The following ASPH variants were observed in gnomAD, a reference collection of about 807,000 sequenced individuals.
ASPH encodes aspartate beta-hydroxylase, also known as aspartyl/asparaginyl beta-hydroxylase.
In ASPH, 100 loss-of-function variants were observed where a neutral mutation model predicts 118.4. The ratio of observed to expected loss-of-function variants is 0.84; its 90% confidence interval spans 0.72 to 1.00. The LOEUF (loss-of-function observed/expected upper bound fraction) is 1.00. ASPH is among the 50% of genes least tolerant of loss of function. The pLI is 0.00. For missense variants in ASPH, 920 were observed against 919.5 expected, an observed-to-expected ratio of 1.00 and a Z score of -0.01; for synonymous variants, 315 against 325.6, an observed-to-expected ratio of 0.97 and a Z score of 0.35.
intron 14 of ASPH, among the ~76,000 whole-genome samples, chr8:61,586,966 C>T (rs779010452): frequency 6.6e-6 from 1 of 152,212 alleles, no homozygotes; most frequent in Non-Finnish European, 1.5e-5. Flanking sequence ...AGAACTAAGG[C>T]TGTTCCATGC....
chr8:61,576,981 A>G lies in ASPH; in HGVS notation c.1063-123T>C, dbSNP rs188000572. The G allele has an allele frequency of 1.9e-4, 133 of 707,444 alleles. No individual in the cohort carries two copies. In the African/African-American group the frequency reaches 2.0e-3, roughly 11 times the overall value. The allele number at this position is 707,444 out of a possible 1,614,324, so 43.8% of individuals were successfully genotyped here. On this transcript the variant is annotated intron_variant, in intron 15 of 24. Coordinates refer to ENST00000379454, the MANE Select transcript of ASPH (RefSeq NM_004318.4). ...CCTAGATTCCATCCTGAGTGTAAAG[A>G]TAGTTTTATCTAAGATTTTAAAAAA... is the stretch of plus-strand genomic sequence containing the variant.
At chr8:61,643,874 C>A in intron 8 of ASPH, 71 bp downstream of exon 8, 1 of 1,184,502 alleles carries the variant, frequency 8.4e-7, no homozygotes, top group Non-Finnish European at 1.2e-6. Flanking sequence ...AATTGTTAAC[C>A]CTGGAATAAA....
Position 61,707,053 on chromosome 8 carries a change from A to G in ASPH, c.103+7216T>C, listed in dbSNP as rs191516293. ...GGAAAATACAAGAATAATTCATAAC[A>G]TCTGTGTTATGTGTCTTACAAAAAG... On this transcript the variant is annotated intron_variant, in intron 1 of 24. Transcript: ENST00000379454. Among the ~76,000 whole-genome samples the G allele has an allele frequency of 2.6e-5, 4 of 152,344 alleles. No individual in the cohort carries two copies. The East Asian group carries it at 7.7e-4, about 29-fold the overall frequency.
chr8:61,579,827 C>A (rs139027621), intron 15 of ASPH, among the ~76,000 whole-genome samples: 3,818 of 151,796 alleles, frequency 0.025, 155 homozygotes, highest in African/African-American at 0.086. Context: ...TGGGGACCCC[C>A]CTTGCCCATG....
chr8:61,593,315 CAGA>C (rs1296869825), intron 14 of ASPH, among the ~76,000 whole-genome samples: 4 of 152,078 alleles, frequency 2.6e-5, no homozygotes, highest in East Asian at 1.9e-4. Flanking sequence ...TAGGTATTAC[CAGA>C]AGAAGAAGTA....
intron 3 of ASPH, among the ~76,000 whole-genome samples, chr8:61,654,051 G>C (rs1211957778): frequency 6.6e-6 from 1 of 152,046 alleles, no homozygotes; most frequent in Non-Finnish European, 1.5e-5. Context: ...TGAATTTTCT[G>C]TTATTCAGGT....
chr8:61,641,346 G>A (rs1435961864), intron 10 of ASPH, among the ~76,000 whole-genome samples: 1 of 152,042 alleles, frequency 6.6e-6, no homozygotes, highest in African/African-American at 2.4e-5. Context: ...ACATTATAAT[G>A]ATCAGTAGAA....
intron 3 of ASPH, among the ~76,000 whole-genome samples, chr8:61,676,497 C>A (rs1589068181): frequency 6.6e-6 from 1 of 152,238 alleles, no homozygotes; most frequent in East Asian, 1.9e-4. Flanking sequence ...AACTCTCAAT[C>A]AAATGTCAAA....
At chr8:61,568,081 G>GTAAA (rs1448804979) in intron 16 of ASPH, among the ~76,000 whole-genome samples, 1 of 152,146 alleles carries the variant, frequency 6.6e-6, no homozygotes, top group East Asian at 1.9e-4. Context: ...AGGCCATGAG[G>GTAAA]TAAAGTAGGG....
chr8:61,552,059 C>T (rs1826215456), intron 20 of ASPH, among the ~76,000 whole-genome samples: 2 of 152,212 alleles, frequency 1.3e-5, no homozygotes, highest in Non-Finnish European at 2.9e-5. Flanking sequence ...ACCCTCAATT[C>T]CCCAGATGAT....
intron 3 of ASPH, chr8:61,675,830 T>G: frequency 7.7e-7 from 1 of 1,298,354 alleles, no homozygotes; most frequent in Non-Finnish European, 9.8e-7. Context: ...AGAACATCAT[T>G]TTCAGTGTAC....
chr8:61,577,384 G>T (rs1835577690), intron 15 of ASPH, among the ~76,000 whole-genome samples: 1 of 88,746 alleles, frequency 1.1e-5, no homozygotes, highest in African/African-American at 4.7e-5. Context: ...AAAATGGCAA[G>T]GATGCCCAAT....
At chr8:61,558,240 G>C (rs1671399157) in intron 18 of ASPH, among the ~76,000 whole-genome samples, 2 of 152,144 alleles carry the variant, frequency 1.3e-5, no homozygotes, top group Admixed American at 6.5e-5. Flanking sequence ...GTGTGGGTGG[G>C]GCCAAGCTCT....
At chr8:61,545,073 T>C (rs1823297267) in intron 21 of ASPH, among the ~76,000 whole-genome samples, 1 of 152,166 alleles carries the variant, frequency 6.6e-6, no homozygotes, top group Non-Finnish European at 1.5e-5. Context: ...TGGTAAGAGA[T>C]AAAGGCAGAC....
chr8:61,579,356 C>A (rs933028903), intron 15 of ASPH: 72 of 1,613,980 alleles, frequency 4.5e-5, no homozygotes, highest in Non-Finnish European at 5.9e-5. Context: ...AGCTGATGAA[C>A]GTCAAGCTGG....
rs1355062537 is a variant in ASPH at position 61,517,626 on chromosome 8, C to T, written c.2028G>A (p.Val676=). ...KYSIMHPGTH[V]WPHTGPTNCR... is the part of the protein sequence containing the mutation. ...AGTTTGTGGGCCCTGTGTGCGGCCACACGTGAGTCCCGGGGTGCATGATGG... is the reference window on the plus strand; with the variant it reads ...AGTTTGTGGGCCCTGTGTGCGGCCATACGTGAGTCCCGGGGTGCATGATGG... Residue 676 remains valine, a synonymous_variant, in exon 24 of 25, where the codon GTG becomes GTA. Coordinates refer to ENST00000379454, the MANE Select transcript of ASPH (RefSeq NM_004318.4). 8 of 1,613,974 alleles carry T rather than the reference C, an allele frequency of 5.0e-6. No individual in the cohort carries two copies. Among genetic ancestry groups the T allele is most frequent in the Non-Finnish European group, 6.8e-6 (8 of 1,179,964 alleles).
intron 15 of ASPH, 79 bp from the exon 16 acceptor site, chr8:61,576,937 A>G: frequency 7.9e-7 from 1 of 1,270,542 alleles, no homozygotes; most frequent in Non-Finnish European, 1.1e-6. Flanking sequence ...ATATTCAGCA[A>G]GTGGTTTTGT....
At chr8:61,590,296 T>C (rs1341420939) in intron 14 of ASPH, among the ~76,000 whole-genome samples, 1 of 152,108 alleles carries the variant, frequency 6.6e-6, no homozygotes, top group Non-Finnish European at 1.5e-5. Flanking sequence ...GAGTGCTTGC[T>C]CTGGGAGTAT....
intron 1 of ASPH, among the ~76,000 whole-genome samples, chr8:61,689,339 A>G (rs900412195): frequency 9.2e-5 from 14 of 152,142 alleles, no homozygotes; most frequent in African/African-American, 3.4e-4. Flanking sequence ...CTAAATATAG[A>G]TAATTCTTTA....
Sources: allele counts gnomAD v4.1 joint callset (sites outside exome capture counted in the v4.1 genomes callset), GRCh38; gene constraint gnomAD v4.1.1; transcripts MANE v1.5; gene names NCBI Gene and HGNC (gene_info 2026-07-23, HGNC 2026-07-21).